The following PINK1 variants were observed in gnomAD, a reference collection of about 807,000 sequenced individuals.
PINK1 encodes serine/threonine-protein kinase PINK1, mitochondrial.
A neutral mutation model predicts 56.0 loss-of-function variants in PINK1; 58 were observed. That is an observed-to-expected ratio of 1.04 (90% CI 0.84 to 1.29). The LOEUF (loss-of-function observed/expected upper bound fraction) is 1.29. Ranked by LOEUF, PINK1 falls within the 50% of genes most tolerant of loss-of-function variation. The probability of loss-of-function intolerance (pLI) is 0.00; values close to 1 mark genes in which losing one functional copy is unlikely to be tolerated. For missense variants in PINK1, 745 were observed against 777.9 expected (o/e 0.96, Z 0.50); for synonymous variants, 354 against 339.3 (o/e 1.04, Z -0.48).
rs898781700 is a variant in PINK1, at chr1:20,641,513, G to C, written c.776+1521G>C. Among the ~76,000 whole-genome samples, 7 of 151,950 alleles carry C rather than the reference G, an allele frequency of 4.6e-5. No individual in the cohort carries two copies. The highest frequency in any genetic ancestry group is 2.1e-4 in the South Asian group (1 of 4,810). ...CGTCTTTTTCTGTTGGTTCCTTTTT[G>C]CTCCAGCTGTACTGTAAACACTCTT... On this transcript the variant is annotated intron_variant, in intron 3 of 7. Transcript: ENST00000321556. This position sits in a 1 kb window ranked among gnomAD's most constrained non-coding sequence, Gnocchi z 4.0.
At position 20,644,599 on chromosome 1, in the gene PINK1, C is replaced by G; in HGVS notation, c.886C>G (p.Pro296Ala). The change falls in exon 4 of 8, where the codon CCT becomes GCT. Residue 296 changes from proline (P) to alanine (A), a missense_variant. By Grantham distance (27) the Pro-to-Ala change is conservative. Coordinates refer to ENST00000321556, the MANE Select transcript of PINK1 (RefSeq NM_032409.3). ...PLLPGALVDY[P>A]DVLPSRLHPE... Reference sequence around the variant, plus strand: ...GCTGCCAGGGGCCCTGGTCGACTACCCTGATGTGCTGCCCTCACGCCTCCA... The same window carrying G: ...GCTGCCAGGGGCCCTGGTCGACTACGCTGATGTGCTGCCCTCACGCCTCCA... 1 of 1,614,242 alleles carries G rather than the reference C, an allele frequency of 6.2e-7. No individual in the cohort carries two copies. The highest frequency in any genetic ancestry group is 8.5e-7 in the Non-Finnish European group (1 of 1,180,040).
chr1:20,633,999 C>CCTCTGG, intron 1 of PINK1, 64 bp downstream of exon 1: 1 of 966,590 alleles, frequency 1.0e-6, no homozygotes. Flanking sequence ...GGGTCCTCAG[C>CCTCTGG]TGGGTGGGGG....
intron 2 of PINK1, chr1:20,639,386 C>T: frequency 4.5e-6 from 1 of 222,958 alleles, no homozygotes. Flanking sequence ...AGAGCCCTTC[C>T]CAATACAATG....
rs1305649557 is a variant in PINK1, at chr1:20,637,858, AAAGC to A, written c.409_412del (p.Lys137ArgfsTer20). The A allele has an allele frequency of 6.2e-7, 1 of 1,614,012 alleles. No homozygotes were observed. Among genetic ancestry groups the A allele is most frequent in the African/African-American group, 1.3e-5 (1 of 74,912 alleles). ...TCATCACAGGCAATTTTTACCCAGA[AAAGC>A]AAGCCGGGGCCTGACCCGTTGGACA... On this transcript the variant is annotated frameshift_variant, in exon 2 of 8. Transcript: ENST00000321556. LOFTEE classifies it high-confidence loss of function.
chr1:20,647,532 A>G (rs1355196255), intron 5 of PINK1, among the ~76,000 whole-genome samples: 2 of 130,154 alleles, frequency 1.5e-5, no homozygotes, highest in Non-Finnish European at 3.1e-5. Context: ...GTGCAGTGGC[A>G]TGATCTTGGC....
chr1:20,639,375 G>C, intron 2 of PINK1: 1 of 211,528 alleles, frequency 4.7e-6, no homozygotes, highest in South Asian at 8.3e-5. Flanking sequence ...CATATGTCCT[G>C]AGAGCCCTTC....
intron 5 of PINK1, among the ~76,000 whole-genome samples, chr1:20,647,922 C>G (rs1474581951): frequency 6.6e-6 from 1 of 152,172 alleles, no homozygotes; most frequent in Non-Finnish European, 1.5e-5. Context: ...AAGTAATTCT[C>G]CTGTCTCAGC....
At position 20,639,821 on chromosome 1, in the gene PINK1, G is replaced by A. The variant is rs2154533693; in HGVS notation, c.676-71G>A. The A allele has an allele frequency of 2.2e-6, 3 of 1,394,448 alleles. No homozygotes were observed. In the Admixed American group the frequency reaches 5.8e-5, roughly 27 times the overall value. 86.4% of individuals were successfully genotyped at this position (1,394,448 alleles called of 1,614,324 possible). ...AGTAGCTGCCCTGCTCCAGGTTACAGGCAGGGCTTACAAGGAACTTACCAT... is the reference window on the plus strand; with the variant it reads ...AGTAGCTGCCCTGCTCCAGGTTACAAGCAGGGCTTACAAGGAACTTACCAT... On this transcript the variant is annotated intron_variant, in intron 2 of 7. Coordinates refer to ENST00000321556, the MANE Select transcript of PINK1 (RefSeq NM_032409.3).
At position 20,641,975 on chromosome 1, in the gene PINK1, C is replaced by T. The variant is rs1228368530; in HGVS notation, c.776+1983C>T. 1.3e-5 allele frequency among the ~76,000 whole-genome samples: 2 copies of T among 152,290 alleles called. No individual in the cohort carries two copies. Among genetic ancestry groups the T allele is most frequent in the East Asian group, 3.9e-4 (2 of 5,174 alleles). Reference sequence around the variant, plus strand: ...CCCATGACACCTGCTGGGGCCCTGACAGCCTGGGGCTGTGATCATGACTTG... The same window carrying T: ...CCCATGACACCTGCTGGGGCCCTGATAGCCTGGGGCTGTGATCATGACTTG... On this transcript the variant is annotated intron_variant, in intron 3 of 7. Transcript: ENST00000321556. The surrounding 1 kb of genome is among the most constrained non-coding windows in gnomAD (Gnocchi z 4.0).
chr1:20,646,994 C>T (rs143493879), intron 5 of PINK1, among the ~76,000 whole-genome samples: 3,495 of 151,128 alleles, frequency 0.023, 124 homozygotes, highest in African/African-American at 0.069. Flanking sequence ...ATTCTCGTGC[C>T]TCCGCCTCCT....
Position 20,633,903 on chromosome 1 carries a change from C to G in PINK1, c.355C>G (p.Arg119Gly). The change falls in exon 1 of 8, where the codon CGG becomes GGG. Residue 119 changes from arginine to glycine, a missense_variant. By Grantham distance (125) the Arg-to-Gly change is moderately radical. Coordinates refer to ENST00000321556, the MANE Select transcript of PINK1 (RefSeq NM_032409.3). ...GLIEEKQAES[R>G]RAVSACQEIQ... is the part of the protein sequence containing the mutation. ...CATCGAGGAAAAACAGGCGGAGAGC[C>G]GGCGGGCGGTCTCGGCCTGTCAGGA... 1.3e-6 allele frequency: 2 copies of G among 1,580,004 alleles called. No homozygotes were observed. The highest frequency in any genetic ancestry group is 1.7e-6 in the Non-Finnish European group (2 of 1,165,194).
At chr1:20,646,164 A>G (rs1214522881) in intron 5 of PINK1, among the ~76,000 whole-genome samples, 1 of 152,028 alleles carries the variant, frequency 6.6e-6, no homozygotes, top group Non-Finnish European at 1.5e-5. Flanking sequence ...GCATGGTGGC[A>G]TGCACCTGTA....
chr1:20,642,092 G>A (rs549568745), intron 3 of PINK1, among the ~76,000 whole-genome samples: 11 of 152,328 alleles, frequency 7.2e-5, no homozygotes, highest in African/African-American at 2.4e-4. Flanking sequence ...GGAGCAGCGC[G>A]TGGGCACACG....
chr1:20,637,857 A>G lies in PINK1; in HGVS notation c.403A>G (p.Lys135Glu). ...CTCATCACAGGCAATTTTTACCCAGAAAAGCAAGCCGGGGCCTGACCCGTT... is the reference window on the plus strand; with the variant it reads ...CTCATCACAGGCAATTTTTACCCAGGAAAGCAAGCCGGGGCCTGACCCGTT... Reference protein sequence around the residue: ...CQEIQAIFTQKSKPGPDPLDT... With the variant: ...CQEIQAIFTQESKPGPDPLDT... The change falls in exon 2 of 8, where the codon AAA becomes GAA. Residue 135 changes from lysine (K) to glutamate (E), a missense_variant. Coordinates refer to ENST00000321556, the MANE Select transcript of PINK1 (RefSeq NM_032409.3). The G allele has an allele frequency of 6.2e-7, 1 of 1,614,096 alleles. No individual in the cohort carries two copies. Among genetic ancestry groups the G allele is most frequent in the African/African-American group, 1.3e-5 (1 of 75,060 alleles).
Position 20,633,835 on chromosome 1 carries a change from G to C in PINK1, c.287G>C (p.Cys96Ser). 2 of 1,577,914 alleles carry C rather than the reference G, an allele frequency of 1.3e-6. No homozygotes were observed. Among genetic ancestry groups the C allele is most frequent in the Non-Finnish European group, 1.7e-6 (2 of 1,165,238 alleles). ...VVRAWGCAGP[C>S]GRAVFLAFGL... ...CGGGCCTGGGGCTGCGCGGGCCCTT[G>C]CGGCCGGGCAGTCTTTCTGGCCTTC... is the stretch of plus-strand genomic sequence containing the variant. Residue 96 changes from cysteine (C) to serine (S), a missense_variant, in exon 1 of 8, where the codon TGC (cysteine) becomes TCC (serine). Cys to Ser is a moderately radical substitution (Grantham distance 112). Coordinates refer to ENST00000321556, the MANE Select transcript of PINK1 (RefSeq NM_032409.3).
At chr1:20,647,945 T>G (rs1405754817) in intron 5 of PINK1, among the ~76,000 whole-genome samples, 8 of 152,052 alleles carry the variant, frequency 5.3e-5, no homozygotes, top group African/African-American at 1.9e-4. Flanking sequence ...CCCGAGTAGC[T>G]GGGATACAGG....
At position 20,637,971 on chromosome 1, in the gene PINK1, G is replaced by T. The variant is rs991809705; in HGVS notation, c.517G>T (p.Ala173Ser). The change falls in exon 2 of 8, where the codon GCC becomes TCC. Residue 173 changes from alanine to serine, a missense_variant. Coordinates refer to ENST00000321556, the MANE Select transcript of PINK1 (RefSeq NM_032409.3). ...GKGCSAAVYE[A>S]TMPTLPQNLE... ...GGGCTGCAGTGCTGCTGTGTATGAA[G>T]CCACCATGCCTACATTGCCCCAGAA... 6.2e-7 allele frequency: 1 copy of T among 1,614,184 alleles called. No homozygotes were observed. The highest frequency in any genetic ancestry group is 2.2e-5 in the East Asian group (1 of 44,866).
At chr1:20,650,321 A>C in intron 7 of PINK1, 113 bp from the exon 8 acceptor site, 1 of 1,361,124 alleles carries the variant, frequency 7.3e-7, no homozygotes, top group Non-Finnish European at 1.0e-6. Context: ...GAGATAGGGT[A>C]GAGGAAGAAT....
intron 2 of PINK1, chr1:20,638,413 T>G: frequency 2.3e-6 from 1 of 425,952 alleles, no homozygotes; most frequent in African/African-American, 2.0e-5. Flanking sequence ...GGCCAATCAC[T>G]TGAGCTCAGG....
Sources: allele counts gnomAD v4.1 joint callset (sites outside exome capture counted in the v4.1 genomes callset), GRCh38; gene constraint gnomAD v4.1.1; non-coding constraint Gnocchi (gnomAD v3.1); transcripts MANE v1.5; gene names NCBI Gene and HGNC (gene_info 2026-07-23, HGNC 2026-07-21).